The following HECW2 variants were observed in gnomAD, a reference collection of about 807,000 sequenced individuals.
The protein encoded by HECW2 is HECT, C2 and WW domain containing E3 ubiquitin protein ligase 2.
HECW2 carries 61 observed loss-of-function variants against 175.2 expected under a neutral mutation model. The ratio of observed to expected loss-of-function variants is 0.35; its 90% CI spans 0.28 to 0.43. The LOEUF is 0.43. HECW2 is among the 20% of genes least tolerant of loss of function. The pLI is 1.00. For missense variants in HECW2, 1,524 were observed against 2,000.5 expected (o/e 0.76, Z 4.54); for synonymous variants, 671 against 731.0 (o/e 0.92, Z 1.32).
At chr2:196,532,120 A>AT (rs1397099755) in intron 1 of HECW2, among the ~76,000 whole-genome samples, 1 of 152,186 alleles carries the variant, frequency 6.6e-6, no homozygotes, top group Non-Finnish European at 1.5e-5. Context: ...CAGCAATCCC[A>AT]TTACTGGGTA....
intron 1 of HECW2, among the ~76,000 whole-genome samples, chr2:196,559,403 A>G (rs1689920388): frequency 6.6e-6 from 1 of 152,208 alleles, no homozygotes; most frequent in South Asian, 2.1e-4. Context: ...TATAAGTAAG[A>G]CATCTAAGAA....
At chr2:196,451,431 C>CAAAAA (rs1383013336) in intron 1 of HECW2, among the ~76,000 whole-genome samples, 6 of 65,832 alleles carry the variant, frequency 9.1e-5, no homozygotes, top group Admixed American at 1.7e-4. Flanking sequence ...GACTCCGTCT[C>CAAAAA]AAAAAAAAAA....
intron 19 of HECW2, among the ~76,000 whole-genome samples, chr2:196,248,599 C>CAG (rs771039394): frequency 8.7e-4 from 106 of 122,524 alleles, no homozygotes; most frequent in Admixed American, 3.7e-3. Context: ...GACAGACAGA[C>CAG]ACACACACAC....
At chr2:196,367,904 G>GATACATAT (rs1693792038) in intron 2 of HECW2, among the ~76,000 whole-genome samples, 1 of 149,332 alleles carries the variant, frequency 6.7e-6, no homozygotes. Context: ...ATGGTACATA[G>GATACATAT]ATACATATAT....
intron 1 of HECW2, among the ~76,000 whole-genome samples, chr2:196,478,439 GC>G (rs767080220): frequency 6.6e-6 from 1 of 152,134 alleles, no homozygotes; most frequent in Non-Finnish European, 1.5e-5. Flanking sequence ...GTTTCACATT[GC>G]CCAGTAGCTT....
Position 196,278,134 on chromosome 2 carries a change from AT to A in HECW2, c.3135+393del, listed in dbSNP as rs1286477434. Among the ~76,000 whole-genome samples the A allele has an allele frequency of 2.3e-5, 2 of 86,422 alleles. 1 individual carries two copies. Among genetic ancestry groups the A allele is most frequent in the African/African-American group, 7.2e-5 (2 of 27,628 alleles). 56.7% of individuals were successfully genotyped at this position (86,422 alleles called of 152,430 possible). On this transcript the variant is annotated intron_variant, in intron 15 of 28. Transcript: ENST00000644978. ...CTAGAACTTAAAGTATAATTAAAAA[AT>A]ATATATATATATATATAAAGAAATT...
chr2:196,243,933 C>T (rs1688556995), intron 19 of HECW2, among the ~76,000 whole-genome samples: 1 of 152,144 alleles, frequency 6.6e-6, no homozygotes. Context: ...GTAACACAAG[C>T]AGCAGGTTGG....
chr2:196,487,687 A>G (rs1559139306), intron 1 of HECW2, among the ~76,000 whole-genome samples: 1 of 152,218 alleles, frequency 6.6e-6, no homozygotes, highest in African/African-American at 2.4e-5. Context: ...GAGAACAGCC[A>G]AAGACTGCAT....
intron 1 of HECW2, among the ~76,000 whole-genome samples, chr2:196,488,794 G>A (rs186086869): frequency 6.6e-6 from 1 of 152,204 alleles, no homozygotes; most frequent in East Asian, 1.9e-4. Context: ...CAATGACCAT[G>A]ATTTTTAAGG....
intron 1 of HECW2, among the ~76,000 whole-genome samples, chr2:196,574,409 G>A (rs1014027174): frequency 3.3e-5 from 5 of 151,564 alleles, no homozygotes; most frequent in African/African-American, 7.3e-5. Flanking sequence ...CAGTGTGGGC[G>A]ATAGAGTGAG....
In HECW2 at chr2:196,257,699, C is replaced by A. The variant is rs75643042; in HGVS notation, c.3419+124G>T. 3,257 of 675,364 alleles carry A rather than the reference C, an allele frequency of 4.8e-3. 95 individuals carry two copies. The African/African-American group carries it at 0.053, about 11-fold the overall frequency. 41.8% of individuals were successfully genotyped at this position (675,364 alleles called of 1,614,324 possible). A position where few individuals can be genotyped will look rare whatever the true frequency, so the allele number is the denominator to read the frequency against. On this transcript the variant is annotated intron_variant, in intron 18 of 28. Transcript: ENST00000644978. ...AGCACCCTAAATCTTCAAAATATTTCCACAAGTCTAAAGAATAAGAACAAT... is the reference window on the plus strand; with the variant it reads ...AGCACCCTAAATCTTCAAAATATTTACACAAGTCTAAAGAATAAGAACAAT...
intron 14 of HECW2, among the ~76,000 whole-genome samples, chr2:196,287,276 C>T (rs1191380682): frequency 6.6e-6 from 1 of 152,150 alleles, no homozygotes; most frequent in Non-Finnish European, 1.5e-5. Context: ...TATTGTAACA[C>T]ATGATTTCTG....
chr2:196,494,681 G>T (rs1368834266), intron 1 of HECW2, among the ~76,000 whole-genome samples: 1 of 152,164 alleles, frequency 6.6e-6, no homozygotes, highest in Non-Finnish European at 1.5e-5. Flanking sequence ...CTGAATATAT[G>T]AAATCCAAGA....
At chr2:196,379,684 C>CAAAAAA (rs1228923177) in intron 2 of HECW2, among the ~76,000 whole-genome samples, 28 of 28,234 alleles carry the variant, frequency 9.9e-4, no homozygotes, top group South Asian at 1.8e-3. Flanking sequence ...TACTCCGTCT[C>CAAAAAA]AAAAAAAAAA....
intron 1 of HECW2, among the ~76,000 whole-genome samples, chr2:196,542,876 A>G (rs974746970): frequency 1.4e-5 from 2 of 147,304 alleles, no homozygotes; most frequent in Non-Finnish European, 3.0e-5. Context: ...TATCTAATAT[A>G]TATCTATATA....
chr2:196,385,159 G>A (rs756772332), intron 2 of HECW2, among the ~76,000 whole-genome samples: 2 of 152,032 alleles, frequency 1.3e-5, no homozygotes, highest in Non-Finnish European at 2.9e-5. Context: ...CAATCGTCCT[G>A]CCTTAGCCTC....
rs547837938 is a variant in HECW2 at position 196,213,078 on chromosome 2, T to C, written c.4607+2787A>G. Among the ~76,000 whole-genome samples the C allele has an allele frequency of 1.0e-3, 159 of 152,342 alleles. 1 individual carries two copies. The Middle Eastern group carries it at 0.017, about 16-fold the overall frequency. ...AAGAATCTCTTTAGGCCAGAACCAATTTTACAGATCTTTTTTTACACCTAA... is the reference window on the plus strand; with the variant it reads ...AAGAATCTCTTTAGGCCAGAACCAACTTTACAGATCTTTTTTTACACCTAA... On this transcript the variant is annotated intron_variant, in intron 28 of 28. Coordinates refer to ENST00000644978, the MANE Select transcript of HECW2 (RefSeq NM_001348768.2).
chr2:196,211,981 C>T (rs1415694497), intron 28 of HECW2, among the ~76,000 whole-genome samples: 1 of 152,088 alleles, frequency 6.6e-6, no homozygotes, highest in Non-Finnish European at 1.5e-5. Context: ...GGACTATAGG[C>T]GTATGCCACC....
At chr2:196,314,300 C>T (rs1239681083) in intron 10 of HECW2, among the ~76,000 whole-genome samples, 1 of 152,216 alleles carries the variant, frequency 6.6e-6, no homozygotes, top group Non-Finnish European at 1.5e-5. Context: ...GACCTCAAAG[C>T]ACTGCAATAT....
Sources: allele counts gnomAD v4.1 joint callset (sites outside exome capture counted in the v4.1 genomes callset), GRCh38; gene constraint gnomAD v4.1.1; transcripts MANE v1.5; gene names NCBI Gene and HGNC (gene_info 2026-07-23, HGNC 2026-07-21).